Variants in FAF1 observed in about 807,000 individuals in gnomAD.
FAF1 encodes Fas associated factor 1, also known as FAS-associated factor 1.
In FAF1, 25 loss-of-function variants were observed where a neutral mutation model predicts 92.5. The observed-to-expected ratio is 0.27, with a 90% CI of 0.20 to 0.38. The LOEUF (loss-of-function observed/expected upper bound fraction) is 0.38. FAF1 is among the 10% of genes least tolerant of loss of function. The pLI is 1.00. For synonymous variants in FAF1, 234 were observed against 273.2 expected, an observed-to-expected ratio of 0.86 and a Z score of 1.42; for missense variants, 636 against 793.3, an observed-to-expected ratio of 0.80 and a Z score of 2.38.
chr1:50,684,257 CTTTTTT>C (rs756495229), intron 7 of FAF1, among the ~76,000 whole-genome samples: 1 of 114,434 alleles, frequency 8.7e-6, no homozygotes, highest in African/African-American at 3.3e-5. Context: ...TTCCAACAGA[CTTTTTT>C]TTTTTTTTTT....
chr1:50,766,162 C>CAGAA (rs1660563653), intron 4 of FAF1, among the ~76,000 whole-genome samples: 1 of 152,024 alleles, frequency 6.6e-6, no homozygotes, highest in Non-Finnish European at 1.5e-5. Context: ...ACCTGTTACC[C>CAGAA]AGAAGCAACA....
At chr1:50,578,084 C>G (rs1447348785) in intron 12 of FAF1, among the ~76,000 whole-genome samples, 1 of 152,202 alleles carries the variant, frequency 6.6e-6, no homozygotes, top group Non-Finnish European at 1.5e-5. Context: ...CTCCCCAAAT[C>G]CTTTGTAATC....
chr1:50,833,192 G>C (rs140705261), intron 2 of FAF1, among the ~76,000 whole-genome samples: 3 of 152,224 alleles, frequency 2.0e-5, no homozygotes, highest in African/African-American at 4.8e-5. Context: ...AATGCCAATT[G>C]CAAGTATTAG....
At chr1:50,518,191 A>G (rs569982223) in intron 15 of FAF1, among the ~76,000 whole-genome samples, 1 of 152,314 alleles carries the variant, frequency 6.6e-6, no homozygotes, top group East Asian at 1.9e-4. Context: ...TTTCAAAAAC[A>G]TCATATAATA....
chr1:50,522,073 C>T (rs1305827652), intron 15 of FAF1, among the ~76,000 whole-genome samples: 2 of 152,146 alleles, frequency 1.3e-5, no homozygotes, highest in African/African-American at 2.4e-5. Flanking sequence ...TAAAAGTGAG[C>T]ATTATTCCAT....
intron 1 of FAF1, among the ~76,000 whole-genome samples, chr1:50,876,316 G>A (rs1644571204): frequency 6.6e-6 from 1 of 152,140 alleles, no homozygotes; most frequent in Non-Finnish European, 1.5e-5. Flanking sequence ...AGAATACCTA[G>A]TACCCAGATC....
chr1:50,483,485 G>T (rs916770947), intron 17 of FAF1, among the ~76,000 whole-genome samples: 1 of 152,018 alleles, frequency 6.6e-6, no homozygotes, highest in African/African-American at 2.4e-5. Flanking sequence ...ATAAATTTAA[G>T]AATCAGTTTA....
At chr1:50,443,792 T>C (rs1170272566) in intron 18 of FAF1, among the ~76,000 whole-genome samples, 2 of 152,298 alleles carry the variant, frequency 1.3e-5, no homozygotes, top group Admixed American at 1.3e-4. Context: ...ACTGACTGGG[T>C]AGGGGCCCTG....
chr1:50,721,331 C>T (rs1340500437), intron 6 of FAF1, among the ~76,000 whole-genome samples: 2 of 152,108 alleles, frequency 1.3e-5, no homozygotes, highest in Non-Finnish European at 2.9e-5. Flanking sequence ...TCTCCTGCCT[C>T]AGCCTCCAGA....
chr1:50,837,379 G>C (rs1305463013), intron 2 of FAF1, among the ~76,000 whole-genome samples: 1 of 151,980 alleles, frequency 6.6e-6, no homozygotes, highest in Non-Finnish European at 1.5e-5. Context: ...CTTTTTGTTT[G>C]CTTTACATGC....
chr1:50,778,931 T>C (rs992293218), intron 4 of FAF1, among the ~76,000 whole-genome samples: 7 of 152,220 alleles, frequency 4.6e-5, no homozygotes, highest in African/African-American at 1.7e-4. Context: ...TGCTGTTTGA[T>C]AGTATTTTAC....
intron 18 of FAF1, chr1:50,471,150 G>T (rs1646567133): frequency 6.6e-6 from 1 of 152,200 alleles, no homozygotes; most frequent in Admixed American, 6.5e-5. Context: ...GAATTAAACT[G>T]CTTCTATCTC....
chr1:50,543,365 T>A (rs2149042169), intron 13 of FAF1, among the ~76,000 whole-genome samples: 1 of 152,230 alleles, frequency 6.6e-6, no homozygotes, highest in Non-Finnish European at 1.5e-5. Flanking sequence ...AAAGGAAGAA[T>A]ATTTGATAAA....
At chr1:50,911,004 T>G (rs908495296) in intron 1 of FAF1, among the ~76,000 whole-genome samples, 5 of 152,130 alleles carry the variant, frequency 3.3e-5, no homozygotes, top group Admixed American at 6.5e-5. Flanking sequence ...TTGGCCATCT[T>G]GGAACCTCCT....
At chr1:50,721,167 GA>G (rs1206061017) in intron 6 of FAF1, among the ~76,000 whole-genome samples, 1 of 151,920 alleles carries the variant, frequency 6.6e-6, no homozygotes, top group Non-Finnish European at 1.5e-5. Context: ...AGCACTTTGG[GA>G]AATTTTTTTT....
Position 50,959,769 on chromosome 1 carries a change from GA to G in FAF1, c.42del (p.Gln15ArgfsTer23). ...GGGAAGAGGGCCAGATACTTCACCT[GA>G]AAATCCGCCAGGATCATCTCCCGGT... ...NMDREMILAD[F>X]QACTGIENID... On this transcript the variant is annotated frameshift_variant, in exon 1 of 19. Transcript: ENST00000396153. LOFTEE classifies it high-confidence loss of function. 6.2e-7 allele frequency: 1 copy of G among 1,601,524 alleles called. No individual in the cohort carries two copies.
chr1:50,921,349 C>A lies in FAF1; in HGVS notation c.45+38418G>T, dbSNP rs558947816. On this transcript the variant is annotated intron_variant, in intron 1 of 18. Transcript: ENST00000396153. ...CACCATCCAAGAGCCTGAGAATCAG[C>A]TTGACACCTCCTGCCTGTCACCACT... Among the ~76,000 whole-genome samples, 24 of 152,376 alleles carry A rather than the reference C, an allele frequency of 1.6e-4. No homozygotes were observed. The South Asian group carries it at 5.0e-3, about 32-fold the overall frequency.
At chr1:50,804,985 A>AG in intron 2 of FAF1, among the ~76,000 whole-genome samples, 1 of 152,240 alleles carries the variant, frequency 6.6e-6, no homozygotes, top group East Asian at 1.9e-4. Context: ...ACTAAAAATT[A>AG]TACTGAGTTT....
At chr1:50,802,831 GT>G (rs1036628096) in intron 2 of FAF1, among the ~76,000 whole-genome samples, 1 of 152,152 alleles carries the variant, frequency 6.6e-6, no homozygotes, top group Non-Finnish European at 1.5e-5. Context: ...CCAATTCAAT[GT>G]TTTATCAGCT....
Sources: gnomAD v4.1 joint callset for allele counts (sites outside exome capture counted in the v4.1 genomes callset) on GRCh38, gnomAD v4.1.1 for gene constraint, MANE v1.5 for transcripts, NCBI Gene and HGNC (gene_info 2026-07-23, HGNC 2026-07-21) for gene names.